Variants in SCP2 observed in about 807,000 individuals in gnomAD.
SCP2 encodes the protein sterol carrier protein 2.
Under a neutral mutation model 71.4 loss-of-function variants are expected in SCP2, and 48 were observed. That is an observed-to-expected ratio of 0.67 (90% CI 0.53 to 0.86). The LOEUF is 0.86. SCP2 is among the 40% of genes least tolerant of loss of function. The pLI, the probability that SCP2 is intolerant of heterozygous loss-of-function variation, is 0.00. For missense variants in SCP2, 560 were observed against 655.6 expected, an observed-to-expected ratio of 0.85 and a Z score of 1.59; for synonymous variants, 220 against 218.1, an observed-to-expected ratio of 1.01 and a Z score of -0.08.
At chr1:52,993,519 T>G in intron 11 of SCP2, 1 of 1,612,512 alleles carries the variant, frequency 6.2e-7, no homozygotes. Flanking sequence ...AAACTGCCTC[T>G]ATCTGTGACT....
rs1384112103 is a variant in SCP2, at chr1:53,015,109, T to C, written c.1235+66T>C. The C allele has an allele frequency of 3.4e-5, 49 of 1,462,222 alleles. No homozygotes were observed. The South Asian group carries it at 5.4e-4, about 16-fold the overall frequency. 90.6% of individuals were successfully genotyped at this position (1,462,222 alleles called of 1,614,324 possible). ...TGACTTTTCACAGTTGATGATGTTT[T>C]ACATGTAAAAATTTCTTATTTTATT... On this transcript the variant is annotated intron_variant, in intron 12 of 15. Coordinates refer to ENST00000371514, the MANE Select transcript of SCP2 (RefSeq NM_002979.5).
At chr1:53,029,448 A>G (rs1488777517) in intron 13 of SCP2, among the ~76,000 whole-genome samples, 1 of 152,178 alleles carries the variant, frequency 6.6e-6, no homozygotes, top group Non-Finnish European at 1.5e-5. Context: ...TGGATTTTAG[A>G]TCTGAGACCG....
intron 11 of SCP2, among the ~76,000 whole-genome samples, chr1:53,003,462 T>C (rs11206066): frequency 0.32 from 48,105 of 152,130 alleles, 12,719 homozygotes; most frequent in African/African-American, 0.72. Context: ...TAAAGCAATC[T>C]GCCCATGTTG....
intron 10 of SCP2, among the ~76,000 whole-genome samples, chr1:52,986,852 T>C (rs1488741456): frequency 1.3e-5 from 2 of 151,900 alleles, no homozygotes. Context: ...ATATAACCTA[T>C]GCACACCCTC....
At chr1:53,040,001 C>A (rs932031420) in intron 14 of SCP2, among the ~76,000 whole-genome samples, 5 of 152,200 alleles carry the variant, frequency 3.3e-5, no homozygotes, top group African/African-American at 1.2e-4. Flanking sequence ...CCTACTGGTT[C>A]CTTGGTCTAA....
intron 6 of SCP2, among the ~76,000 whole-genome samples, chr1:52,964,257 A>G (rs1282776194): frequency 1.4e-5 from 2 of 141,590 alleles, no homozygotes; most frequent in African/African-American, 5.3e-5. Flanking sequence ...TCTGGAGTGC[A>G]GTGGCATGAT....
chr1:53,046,261 T>C (rs898419256), intron 14 of SCP2, among the ~76,000 whole-genome samples: 1 of 152,188 alleles, frequency 6.6e-6, no homozygotes, highest in Non-Finnish European at 1.5e-5. Context: ...GGCTGCATCA[T>C]TTTACAGTCT....
At position 52,961,567 on chromosome 1, in the gene SCP2, C is replaced by T. The variant is rs1231783642; in HGVS notation, c.461C>T (p.Ser154Phe). ...VDLLINKYGLSAHPVAPQMFG... is the reference protein window; with the variant it reads ...VDLLINKYGLFAHPVAPQMFG... ...CTCCTGATCAATAAGTATGGATTGTCTGCTCACCCAGTTGCTCCTCAGATG... is the reference window on the plus strand; with the variant it reads ...CTCCTGATCAATAAGTATGGATTGTTTGCTCACCCAGTTGCTCCTCAGATG... Residue 154 changes from serine (S) to phenylalanine (F), a missense_variant, in exon 6 of 16, where the codon TCT (serine) becomes TTT (phenylalanine). Physicochemically the swap from Ser to Phe is radical, Grantham distance 155. Coordinates refer to ENST00000371514, the MANE Select transcript of SCP2 (RefSeq NM_002979.5). 1.2e-6 allele frequency: 2 copies of T among 1,613,482 alleles called. No individual in the cohort carries two copies. The highest frequency in any genetic ancestry group is 2.7e-5 in the African/African-American group (2 of 74,918).
At position 53,041,670 on chromosome 1, in the gene SCP2, G is replaced by GT. The variant is rs150323612; in HGVS notation, c.1468+2625dup. Among the ~76,000 whole-genome samples, 1,019 of 152,292 alleles carry GT rather than the reference G, an allele frequency of 6.7e-3. 5 individuals are homozygous for GT. Among genetic ancestry groups the GT allele is most frequent in the Non-Finnish European group, 0.011 (736 of 68,040 alleles). On this transcript the variant is annotated intron_variant, in intron 14 of 15. Coordinates refer to ENST00000371514, the MANE Select transcript of SCP2 (RefSeq NM_002979.5). ...AGCCTTAGTGTAGGCAGTGGGAAAA[G>GT]TAAGTGTTCTGAGAGTAGATGCCAG...
At chr1:52,972,527 C>CTATG (rs2150159641) in intron 6 of SCP2, among the ~76,000 whole-genome samples, 1 of 152,360 alleles carries the variant, frequency 6.6e-6, no homozygotes, top group South Asian at 2.1e-4. Context: ...TCCTACCAAT[C>CTATG]TATGCATGGA....
At chr1:53,033,788 C>A (rs941658638) in intron 13 of SCP2, among the ~76,000 whole-genome samples, 1 of 152,052 alleles carries the variant, frequency 6.6e-6, no homozygotes, top group African/African-American at 2.4e-5. Flanking sequence ...TATGACCCAG[C>A]AATTACACTT....
chr1:52,994,726 A>G (rs1659799257), intron 11 of SCP2: 2 of 709,606 alleles, frequency 2.8e-6, no homozygotes, highest in Non-Finnish European at 2.3e-6. Flanking sequence ...AATTTTAACC[A>G]TGAGGGAAAT....
In SCP2 at chr1:53,051,522, A is replaced by G. The variant is rs1664193848; in HGVS notation, c.*818A>G. 1 of 152,172 alleles carries G rather than the reference A, an allele frequency of 6.6e-6. No individual in the cohort carries two copies. Among genetic ancestry groups the G allele is most frequent in the Admixed American group, 6.5e-5 (1 of 15,288 alleles). The allele number at this position is 152,172 out of a possible 1,614,324, so 9.4% of individuals were successfully genotyped here. On this transcript the variant is annotated 3_prime_UTR_variant, in exon 16 of 16. Transcript: ENST00000371514. The stretch of plus-strand genomic sequence containing the variant: ...TTTTTTCCTAGTTTTTCTAATACTA[A>G]TGTTATTTCTTAAAATTCAGTGAGA...
intron 12 of SCP2, 30 bp from the exon 13 acceptor site, chr1:53,027,939 C>T (rs1446444180): frequency 4.0e-6 from 5 of 1,241,058 alleles, no homozygotes; most frequent in Non-Finnish European, 5.9e-6. Flanking sequence ...CTATGTGACT[C>T]CATGAATTGA....
chr1:52,951,578 A>AAT (rs1332674295), intron 4 of SCP2, among the ~76,000 whole-genome samples: 1 of 150,566 alleles, frequency 6.6e-6, no homozygotes. Context: ...AAAAAAAAAA[A>AAT]ATTAATTAAG....
At chr1:53,023,488 A>G (rs966871210) in intron 12 of SCP2, among the ~76,000 whole-genome samples, 3 of 152,194 alleles carry the variant, frequency 2.0e-5, no homozygotes, top group Admixed American at 2.0e-4. Flanking sequence ...ATTCAGGGTA[A>G]CTTCAGTTCC....
intron 6 of SCP2, among the ~76,000 whole-genome samples, chr1:52,962,644 A>G (rs1260634048): frequency 6.6e-6 from 1 of 151,822 alleles, no homozygotes; most frequent in Non-Finnish European, 1.5e-5. Context: ...CAACCACACT[A>G]TCCTTTCTTT....
chr1:52,998,604 G>A (rs941089163), intron 11 of SCP2, among the ~76,000 whole-genome samples: 2 of 147,218 alleles, frequency 1.4e-5, no homozygotes, highest in Admixed American at 7.1e-5. Flanking sequence ...GGTGGCGCAC[G>A]TCTGTGGTCC....
At chr1:53,022,503 C>G (rs1438074840) in intron 12 of SCP2, among the ~76,000 whole-genome samples, 1 of 152,164 alleles carries the variant, frequency 6.6e-6, no homozygotes. Flanking sequence ...GGAGAAAAGC[C>G]TATTCAGATC....
Sources: allele counts gnomAD v4.1 joint callset (sites outside exome capture counted in the v4.1 genomes callset), GRCh38; gene constraint gnomAD v4.1.1; transcripts MANE v1.5; gene names NCBI Gene and HGNC (gene_info 2026-07-23, HGNC 2026-07-21).